The following SPOCK3 variants were observed in gnomAD, a reference collection of about 807,000 sequenced individuals.
SPOCK3 encodes the protein testican-3.
A neutral mutation model predicts 56.6 loss-of-function variants in SPOCK3; 30 were observed. The ratio of observed to expected loss-of-function variants is 0.53; its 90% confidence interval spans 0.40 to 0.72. The LOEUF is 0.72. Among genes scored for constraint, SPOCK3 ranks in the 30% least tolerant of loss-of-function variants. The pLI is 0.00. For synonymous variants in SPOCK3, 196 were observed against 183.3 expected (o/e 1.07, Z -0.56); for missense variants, 527 against 530.0 (o/e 0.99, Z 0.06).
At position 166,792,182 on chromosome 4, in the gene SPOCK3, G is replaced by A. The variant is rs949722265; in HGVS notation, c.697C>T (p.Pro233Ser). The A allele has an allele frequency of 1.9e-6, 3 of 1,613,576 alleles. No homozygotes were observed. Among genetic ancestry groups the A allele is most frequent in the Non-Finnish European group, 1.7e-6 (2 of 1,179,780 alleles). The change falls in exon 7 of 11, where the codon CCT becomes TCT. Residue 233 changes from proline to serine, a missense_variant. Transcript: ENST00000357545. The part of the protein sequence containing the change: ...QNKKTKTLLR[P>S]ERSRFDTSIL... ...TTAGAAATCTTACTGCTTCTCTCAG[G>A]CCTCAGCAATGTTTTTGTCTTCTTG...
chr4:167,113,462 A>C (rs919324167), intron 2 of SPOCK3, among the ~76,000 whole-genome samples: 6 of 152,024 alleles, frequency 3.9e-5, no homozygotes, highest in Admixed American at 1.3e-4. Flanking sequence ...AGTTTTCAGC[A>C]AAAAACTATC....
intron 8 of SPOCK3, among the ~76,000 whole-genome samples, chr4:166,751,862 A>G (rs954558379): frequency 6.6e-6 from 1 of 152,172 alleles, no homozygotes; most frequent in Non-Finnish European, 1.5e-5. Flanking sequence ...AGGATTACTT[A>G]GAATAAAGAA....
At chr4:166,926,198 C>T (rs929420697) in intron 4 of SPOCK3, among the ~76,000 whole-genome samples, 1 of 152,012 alleles carries the variant, frequency 6.6e-6, no homozygotes, top group Non-Finnish European at 1.5e-5. Context: ...GAGTGAAACA[C>T]AGGTGTTGAA....
At chr4:167,202,571 T>A (rs978065290) in intron 2 of SPOCK3, among the ~76,000 whole-genome samples, 2 of 152,012 alleles carry the variant, frequency 1.3e-5, no homozygotes, top group Non-Finnish European at 2.9e-5. Flanking sequence ...CAATTGTTAC[T>A]ATTTGCAATG....
At position 166,733,792 on chromosome 4, in the gene SPOCK3, C is replaced by T. The variant is rs1733966106; in HGVS notation, c.*1129G>A. ...ACAAGTCCACATGGCAATTATGTAA[C>T]AATAGAAAAAAAGAAACAAACGTAT... On this transcript the variant is annotated 3_prime_UTR_variant, in exon 11 of 11. Transcript: ENST00000357545. 1 of 152,114 alleles carries T rather than the reference C, an allele frequency of 6.6e-6. No individual in the cohort carries two copies. Among genetic ancestry groups the T allele is most frequent in the South Asian group, 2.1e-4 (1 of 4,826 alleles). 9.4% of individuals were successfully genotyped at this position (152,114 alleles called of 1,614,324 possible). A position where few individuals can be genotyped will look rare whatever the true frequency, so the allele number is the denominator to read the frequency against.
chr4:166,815,947 C>G (rs1236378867), intron 6 of SPOCK3, among the ~76,000 whole-genome samples: 1 of 151,944 alleles, frequency 6.6e-6, no homozygotes, highest in African/African-American at 2.4e-5. Context: ...GTAACAAATC[C>G]TGTTATTAAA....
At chr4:167,034,652 A>C (rs534293704) in intron 3 of SPOCK3, among the ~76,000 whole-genome samples, 2 of 152,270 alleles carry the variant, frequency 1.3e-5, no homozygotes, top group Admixed American at 6.5e-5. Context: ...TCCAGATAAA[A>C]TATGGCCTCC....
chr4:166,999,666 A>G (rs892244687), intron 4 of SPOCK3, among the ~76,000 whole-genome samples: 5 of 152,174 alleles, frequency 3.3e-5, no homozygotes, highest in African/African-American at 1.2e-4. Context: ...TCGGTTAAAC[A>G]ATGAATTCAT....
At chr4:166,749,127 C>G (rs1736027997) in intron 8 of SPOCK3, among the ~76,000 whole-genome samples, 1 of 136,948 alleles carries the variant, frequency 7.3e-6, no homozygotes, top group Non-Finnish European at 1.5e-5. Context: ...CCCAGCCATC[C>G]CATTACTGGG....
At chr4:166,771,943 A>C (rs1311618218) in intron 7 of SPOCK3, among the ~76,000 whole-genome samples, 2 of 152,072 alleles carry the variant, frequency 1.3e-5, no homozygotes, top group Non-Finnish European at 2.9e-5. Flanking sequence ...ATTATAGACC[A>C]TGTTTTTATA....
rs528856880 is a variant in SPOCK3 at position 167,192,276 on chromosome 4, C to T, written c.189+41709G>A. 2.7e-5 allele frequency among the ~76,000 whole-genome samples: 4 copies of T among 145,650 alleles called. 1 individual carries two copies. The highest frequency in any genetic ancestry group is 6.9e-3 in the Middle Eastern group (2 of 290). On this transcript the variant is annotated intron_variant, in intron 2 of 10. Transcript: ENST00000357545. ...ATTTCCTCTTCTGGCTTTGGTATTA[C>T]GCCTCATAATATTCCAACCCGATAA...
chr4:167,010,747 A>C (rs1372512749), intron 3 of SPOCK3, among the ~76,000 whole-genome samples: 1 of 152,142 alleles, frequency 6.6e-6, no homozygotes, highest in African/African-American at 2.4e-5. Context: ...ATGAGCAATA[A>C]ACTGATAAAA....
intron 6 of SPOCK3, among the ~76,000 whole-genome samples, chr4:166,803,729 AAAACTT>A (rs1742861048): frequency 2.0e-5 from 3 of 152,170 alleles, no homozygotes; most frequent in Non-Finnish European, 1.5e-5. Flanking sequence ...ACATGACACT[AAAACTT>A]AAATTTATCT....
intron 5 of SPOCK3, among the ~76,000 whole-genome samples, chr4:166,892,096 A>T (rs1451433847): frequency 6.6e-6 from 1 of 152,052 alleles, no homozygotes. Flanking sequence ...TTGATGATTC[A>T]TTTTTTATAT....
At chr4:166,816,544 GT>G (rs796766427) in intron 6 of SPOCK3, among the ~76,000 whole-genome samples, 2 of 151,590 alleles carry the variant, frequency 1.3e-5, no homozygotes, top group African/African-American at 4.8e-5. Context: ...AATTTGTTTT[GT>G]TTTTTTTCCT....
chr4:166,904,065 T>C (rs1279909855), intron 5 of SPOCK3, among the ~76,000 whole-genome samples: 1 of 151,890 alleles, frequency 6.6e-6, no homozygotes, highest in Non-Finnish European at 1.5e-5. Context: ...AATTAGCATG[T>C]TTAATTACAT....
chr4:166,958,176 G>T (rs1336819846), intron 4 of SPOCK3, among the ~76,000 whole-genome samples: 2 of 152,158 alleles, frequency 1.3e-5, no homozygotes, highest in Non-Finnish European at 2.9e-5. Flanking sequence ...CTTCACAATA[G>T]TGAGTGTGCT....
chr4:166,827,850 A>C (rs965028883), intron 6 of SPOCK3, among the ~76,000 whole-genome samples: 2 of 151,532 alleles, frequency 1.3e-5, no homozygotes, highest in Admixed American at 1.3e-4. Flanking sequence ...AAAAAAAAAA[A>C]ACTGTATGAC....
intron 4 of SPOCK3, among the ~76,000 whole-genome samples, chr4:166,969,985 A>G (rs759724008): frequency 2.0e-5 from 3 of 152,242 alleles, no homozygotes; most frequent in Non-Finnish European, 2.9e-5. Context: ...AATTCTTTCA[A>G]TAATGACCAC....
Sources: gnomAD v4.1 joint callset for allele counts (sites outside exome capture counted in the v4.1 genomes callset) on GRCh38, gnomAD v4.1.1 for gene constraint, MANE v1.5 for transcripts, NCBI Gene and HGNC (gene_info 2026-07-23, HGNC 2026-07-21) for gene names.